Variants in ZPBP observed in about 807,000 individuals in gnomAD.
ZPBP encodes zona pellucida-binding protein 1.
A neutral mutation model predicts 44.8 loss-of-function variants in ZPBP; 26 were observed. The ratio of observed to expected loss-of-function variants is 0.58; its 90% confidence interval spans 0.43 to 0.81. The LOEUF is 0.81. Among genes scored for constraint, ZPBP ranks in the 30% least tolerant of loss-of-function variants. The pLI, the probability that ZPBP is intolerant of heterozygous loss-of-function variation, is 0.00. For synonymous variants in ZPBP, 174 were observed against 153.2 expected (o/e 1.14, Z -1.00); for missense variants, 409 against 434.0 (o/e 0.94, Z 0.51).
chr7:49,960,313 C>A (rs573086436), intron 7 of ZPBP, among the ~76,000 whole-genome samples: 7 of 151,764 alleles, frequency 4.6e-5, no homozygotes. Context: ...CTCAGCTACT[C>A]GAGAGGCTGA....
chr7:49,965,985 G>A (rs1002548957), intron 7 of ZPBP, among the ~76,000 whole-genome samples: 1 of 151,976 alleles, frequency 6.6e-6, no homozygotes, highest in African/African-American at 2.4e-5. Context: ...ATTAAGATTA[G>A]ACAAAGTACA....
chr7:50,050,361 G>C (rs1277845703), intron 4 of ZPBP, among the ~76,000 whole-genome samples: 1 of 151,962 alleles, frequency 6.6e-6, no homozygotes, highest in African/African-American at 2.4e-5. Flanking sequence ...TATACTTACA[G>C]TAATCAACAG....
intron 2 of ZPBP, among the ~76,000 whole-genome samples, chr7:49,899,704 G>A (rs1163353263): frequency 1.3e-5 from 2 of 151,858 alleles, no homozygotes; most frequent in African/African-American, 4.8e-5. Flanking sequence ...AGAAGAAACA[G>A]GTGAATCCAC....
chr7:49,850,108 C>T (rs1215861199), downstream of ZPBP, among the ~76,000 whole-genome samples: 1 of 152,086 alleles, frequency 6.6e-6, no homozygotes, highest in Non-Finnish European at 1.5e-5. Context: ...CCAAGCCTAG[C>T]ACATAGCATG....
intron 4 of ZPBP, 28 bp from the exon 5 acceptor site, chr7:50,031,338 C>CA (rs1562858441): frequency 6.5e-7 from 1 of 1,540,412 alleles, no homozygotes; most frequent in Admixed American, 1.8e-5. Flanking sequence ...GAGAAAGACA[C>CA]AAAAATGGTT....
At chr7:49,904,736 ATTTTTTT>A (rs5884134) in intron 1 of ZPBP, among the ~76,000 whole-genome samples, 1 of 139,010 alleles carries the variant, frequency 7.2e-6, no homozygotes, top group African/African-American at 2.7e-5. Context: ...GCATATATTA[ATTTTTTT>A]TTTTTTTTTT....
intron 7 of ZPBP, among the ~76,000 whole-genome samples, chr7:49,961,444 A>G (rs913709129): frequency 6.6e-6 from 1 of 152,156 alleles, no homozygotes; most frequent in African/African-American, 2.4e-5. Context: ...ATCAAAGCCT[A>G]GGAGTAGGTG....
chr7:49,987,722 T>A (rs1797360298), intron 6 of ZPBP, among the ~76,000 whole-genome samples: 1 of 128,936 alleles, frequency 7.8e-6, no homozygotes, highest in African/African-American at 3.0e-5. Context: ...TGTAGTTATA[T>A]ATGTGTTGTG....
chr7:49,965,617 G>T (rs1160670789), intron 7 of ZPBP, among the ~76,000 whole-genome samples: 1 of 151,930 alleles, frequency 6.6e-6, no homozygotes, highest in African/African-American at 2.4e-5. Flanking sequence ...ATACATGAGA[G>T]TTTTTTTGGT....
chr7:49,984,048 C>G (rs1368045134), intron 6 of ZPBP, among the ~76,000 whole-genome samples: 2 of 152,108 alleles, frequency 1.3e-5, no homozygotes, highest in Admixed American at 6.6e-5. Flanking sequence ...TGGCTTGCCT[C>G]CTAAAATTAA....
At chr7:50,004,911 A>C (rs1798237836) in intron 6 of ZPBP, among the ~76,000 whole-genome samples, 1 of 152,054 alleles carries the variant, frequency 6.6e-6, no homozygotes, top group Admixed American at 6.6e-5. Context: ...AATTTTCCAA[A>C]TTTATACAGA....
At chr7:49,946,910 G>A (rs1037049919) in intron 7 of ZPBP, among the ~76,000 whole-genome samples, 3 of 152,044 alleles carry the variant, frequency 2.0e-5, no homozygotes, top group Non-Finnish European at 4.4e-5. Flanking sequence ...TTCTGACTGT[G>A]TATTTCCAAA....
intron 2 of ZPBP, among the ~76,000 whole-genome samples, chr7:49,865,841 G>C (rs1041094855): frequency 3.3e-5 from 5 of 152,140 alleles, no homozygotes; most frequent in African/African-American, 9.7e-5. Context: ...TGCAACCTCA[G>C]TCTCAAAGTC....
At chr7:49,938,779 T>C (rs1335576659) in intron 7 of ZPBP, among the ~76,000 whole-genome samples, 2 of 152,208 alleles carry the variant, frequency 1.3e-5, no homozygotes, top group African/African-American at 4.8e-5. Flanking sequence ...ATCTATGGAA[T>C]GTTTATTATG....
At chr7:49,941,048 A>G (rs1794859389) in intron 7 of ZPBP, among the ~76,000 whole-genome samples, 1 of 152,190 alleles carries the variant, frequency 6.6e-6, no homozygotes, top group South Asian at 2.1e-4. Context: ...ATAAGAAAAG[A>G]TGTTCCACAT....
chr7:49,990,716 CA>C (rs1204740010), intron 6 of ZPBP, among the ~76,000 whole-genome samples: 2 of 151,888 alleles, frequency 1.3e-5, no homozygotes, highest in Admixed American at 1.3e-4. Context: ...AAAATAAACA[CA>C]TTTTTGCATG....
At chr7:49,855,069 G>A (rs1054928698) in intron 2 of ZPBP, among the ~76,000 whole-genome samples, 14 of 152,102 alleles carry the variant, frequency 9.2e-5, no homozygotes, top group African/African-American at 7.2e-5. Context: ...TTTGAAAATC[G>A]AAAAATAAAT....
At chr7:50,035,787 T>G (rs1454756224) in intron 4 of ZPBP, among the ~76,000 whole-genome samples, 3 of 152,136 alleles carry the variant, frequency 2.0e-5, no homozygotes, top group Non-Finnish European at 4.4e-5. Flanking sequence ...ATATGTACAT[T>G]ATTAAAATTT....
intron 2 of ZPBP, among the ~76,000 whole-genome samples, chr7:49,886,080 C>T (rs536639051): frequency 6.6e-6 from 1 of 152,188 alleles, no homozygotes; most frequent in Non-Finnish European, 1.5e-5. Context: ...GGGGAGAGGT[C>T]CAGACTGGAG....
Sources: allele counts gnomAD v4.1 joint callset (sites outside exome capture counted in the v4.1 genomes callset), GRCh38; gene constraint gnomAD v4.1.1; transcripts MANE v1.5; gene names NCBI Gene and HGNC (gene_info 2026-07-23, HGNC 2026-07-21).